SCRN1: variants seen among roughly 807,000 people sequenced by gnomAD.
SCRN1 encodes secernin 1.
A neutral mutation model predicts 43.3 loss-of-function variants in SCRN1; 19 were observed. The ratio of observed to expected loss-of-function variants is 0.44; its 90% confidence interval spans 0.31 to 0.64. SCRN1 has a LOEUF of 0.64. SCRN1 is among the 30% of genes least tolerant of loss of function. The pLI is 0.09. For synonymous variants in SCRN1, 183 were observed against 188.9 expected (o/e 0.97, Z 0.26); for missense variants, 447 against 524.1 (o/e 0.85, Z 1.44).
Position 29,941,553 on chromosome 7 carries a change from C to T in SCRN1, c.545-677G>A, listed in dbSNP as rs145731478. 3.5e-3 allele frequency among the ~76,000 whole-genome samples: 526 copies of T among 151,992 alleles called. 6 individuals carry two copies. The highest frequency in any genetic ancestry group is 0.012 in the African/African-American group (501 of 41,472). The stretch of plus-strand genomic sequence containing the variant: ...CTGGGTATGTGTGTGTGCACACATG[C>T]GTGTGAGTGTGTGAGATAAAGTGTG... On this transcript the variant is annotated intron_variant, in intron 4 of 7. Transcript: ENST00000242059.
intron 4 of SCRN1, among the ~76,000 whole-genome samples, chr7:29,942,210 A>G (rs1787580882): frequency 6.6e-6 from 1 of 152,226 alleles, no homozygotes; most frequent in African/African-American, 2.4e-5. Flanking sequence ...CTCTACAGAT[A>G]TTAGTTTCCC....
intron 7 of SCRN1, 80 bp downstream of exon 7, chr7:29,926,372 A>G: frequency 6.7e-7 from 1 of 1,487,016 alleles, no homozygotes. Flanking sequence ...CTAGCTTGAC[A>G]TCTGCTTCCC....
rs202064752 is a variant in SCRN1 at position 29,963,044 on chromosome 7, TA to T, written c.159+5864del. ...CAGCAATTCTCATTAGTCAATTCTTTAAAAAAAAAAAAAAAATCCTTCTTCA... is the reference window on the plus strand; with the variant it reads ...CAGCAATTCTCATTAGTCAATTCTTTAAAAAAAAAAAAAAATCCTTCTTCA... On this transcript the variant is annotated intron_variant, in intron 2 of 7. Coordinates refer to ENST00000242059, the MANE Select transcript of SCRN1 (RefSeq NM_014766.5). 7.5e-3 allele frequency among the ~76,000 whole-genome samples: 1,045 copies of T among 139,888 alleles called. 2 individuals are homozygous for T. Among genetic ancestry groups the T allele is most frequent in the African/African-American group, 8.7e-3 (332 of 38,000 alleles). 91.8% of individuals were successfully genotyped at this position (139,888 alleles called of 152,430 possible).
Position 29,923,030 on chromosome 7 carries a change from T to A in SCRN1, c.*927A>T, listed in dbSNP as rs138069845. 7.0e-6 allele frequency: 1 copy of A among 142,492 alleles called. No homozygotes were observed. The highest frequency in any genetic ancestry group is 2.4e-4 in the East Asian group (1 of 4,142). The allele number at this position is 142,492 out of a possible 1,614,324, so 8.8% of individuals were successfully genotyped here. Reference sequence around the variant, plus strand: ...AGAGTTCTTCCTTTTCTTTCCCTCCTTGGCTGAGAGATTCACTACTCTGTG... The same window carrying A: ...AGAGTTCTTCCTTTTCTTTCCCTCCATGGCTGAGAGATTCACTACTCTGTG... On this transcript the variant is annotated 3_prime_UTR_variant, in exon 8 of 8. Transcript: ENST00000242059.
chr7:29,932,091 C>T (rs576012255), intron 6 of SCRN1, among the ~76,000 whole-genome samples: 3 of 149,870 alleles, frequency 2.0e-5, no homozygotes, highest in East Asian at 3.9e-4. Flanking sequence ...TTTGAAGCAC[C>T]GAACAGCCTT....
intron 1 of SCRN1, among the ~76,000 whole-genome samples, chr7:29,975,996 T>A (rs899156895): frequency 6.6e-6 from 1 of 152,206 alleles, no homozygotes; most frequent in Non-Finnish European, 1.5e-5. Context: ...AGGATAAGGA[T>A]GGAAGTTGTA....
chr7:29,977,600 G>A (rs1788871918), intron 1 of SCRN1, among the ~76,000 whole-genome samples: 1 of 152,244 alleles, frequency 6.6e-6, no homozygotes, highest in Non-Finnish European at 1.5e-5. Context: ...TTCATTGAAA[G>A]CTCATGAGAG....
chr7:29,948,056 C>T (rs1263043597), intron 3 of SCRN1, among the ~76,000 whole-genome samples: 1 of 152,154 alleles, frequency 6.6e-6, no homozygotes, highest in African/African-American at 2.4e-5. Context: ...TGGACTAAGA[C>T]GAGTGATAAC....
chr7:29,948,527 C>G (rs757763208), intron 3 of SCRN1, among the ~76,000 whole-genome samples: 1 of 152,200 alleles, frequency 6.6e-6, no homozygotes, highest in Non-Finnish European at 1.5e-5. Flanking sequence ...TCACACTGGC[C>G]TTTTGCCAAG....
At chr7:29,928,704 A>C (rs368161824) in intron 6 of SCRN1, among the ~76,000 whole-genome samples, 3,634 of 152,032 alleles carry the variant, frequency 0.024, 62 homozygotes, top group East Asian at 0.068. Context: ...TCAAAAGAAG[A>C]CCCCCTAAAG....
At chr7:29,980,259 T>C (rs997449608) in intron 1 of SCRN1, among the ~76,000 whole-genome samples, 1 of 152,170 alleles carries the variant, frequency 6.6e-6, no homozygotes. Context: ...GTGTTTGAAA[T>C]AGGCAGGCTG....
chr7:29,958,190 C>T (rs573005634), intron 2 of SCRN1, among the ~76,000 whole-genome samples: 1 of 152,242 alleles, frequency 6.6e-6, no homozygotes, highest in East Asian at 1.9e-4. Flanking sequence ...GCACGGGCCT[C>T]ATAAGGGCTC....
At chr7:29,971,945 C>A (rs1308137995) in intron 1 of SCRN1, among the ~76,000 whole-genome samples, 1 of 152,164 alleles carries the variant, frequency 6.6e-6, no homozygotes, top group Non-Finnish European at 1.5e-5. Context: ...GAAAATAATT[C>A]CCTTCTAGCT....
chr7:29,949,802 T>C (rs572737247), intron 3 of SCRN1, among the ~76,000 whole-genome samples: 79 of 151,962 alleles, frequency 5.2e-4, no homozygotes, highest in South Asian at 1.0e-3. Flanking sequence ...GTCTCTCAAG[T>C]AGTTGGGACC....
intron 1 of SCRN1, among the ~76,000 whole-genome samples, chr7:29,983,812 G>A (rs1789066999): frequency 6.6e-6 from 1 of 152,216 alleles, no homozygotes. Flanking sequence ...GCCATATAAT[G>A]TAGGAAATTA....
chr7:29,976,296 T>C (rs1788835405), intron 1 of SCRN1, among the ~76,000 whole-genome samples: 1 of 152,218 alleles, frequency 6.6e-6, no homozygotes, highest in South Asian at 2.1e-4. Context: ...AAATTTTTAA[T>C]TAATTTCAAG....
At chr7:29,951,245 G>A (rs1300213482) in intron 3 of SCRN1, among the ~76,000 whole-genome samples, 2 of 152,334 alleles carry the variant, frequency 1.3e-5, no homozygotes, top group African/African-American at 2.4e-5. Context: ...CTGTGCCAAC[G>A]CCTAGAGCTG....
chr7:29,956,287 C>T (rs372526646), intron 2 of SCRN1, among the ~76,000 whole-genome samples: 2 of 152,194 alleles, frequency 1.3e-5, no homozygotes, highest in Non-Finnish European at 2.9e-5. Flanking sequence ...CCCCTCCCCA[C>T]GTTGTGACCC....
intron 1 of SCRN1, among the ~76,000 whole-genome samples, chr7:29,987,742 C>G (rs188305763): frequency 1.3e-5 from 2 of 152,296 alleles, no homozygotes; most frequent in Admixed American, 1.3e-4. Context: ...GCTGTTCTCC[C>G]CCAGGCTCTA....
Sources: gnomAD v4.1 joint callset for allele counts (sites outside exome capture counted in the v4.1 genomes callset) on GRCh38, gnomAD v4.1.1 for gene constraint, MANE v1.5 for transcripts, NCBI Gene and HGNC (gene_info 2026-07-23, HGNC 2026-07-21) for gene names.